Variants in GRID1 observed in about 807,000 individuals in gnomAD.
GRID1 encodes the protein glutamate receptor ionotropic, delta-1.
A neutral mutation model predicts 98.0 loss-of-function variants in GRID1; 28 were observed. The ratio of observed to expected loss-of-function variants is 0.29; its 90% CI spans 0.21 to 0.39. The LOEUF (loss-of-function observed/expected upper bound fraction) is 0.39. Ranked by LOEUF, GRID1 falls within the 10% of genes least tolerant of loss-of-function variation. GRID1 has a pLI of 1.00. For missense variants in GRID1, 1,111 were observed against 1,340.5 expected, an observed-to-expected ratio of 0.83 and a Z score of 2.67; for synonymous variants, 553 against 538.5, an observed-to-expected ratio of 1.03 and a Z score of -0.37.
intron 3 of GRID1, among the ~76,000 whole-genome samples, chr10:86,199,014 G>A (rs1048923787): frequency 1.3e-5 from 2 of 152,158 alleles, no homozygotes; most frequent in Admixed American, 1.3e-4. Context: ...GAGGCAGAGA[G>A]GAATGGCGAT....
chr10:86,190,576 T>C (rs1845787531), intron 3 of GRID1, among the ~76,000 whole-genome samples: 1 of 152,142 alleles, frequency 6.6e-6, no homozygotes, highest in African/African-American at 2.4e-5. Context: ...GACATGCCCA[T>C]CCCCATCCTG....
chr10:85,849,539 G>A (rs929840982), intron 8 of GRID1, among the ~76,000 whole-genome samples: 1 of 152,214 alleles, frequency 6.6e-6, no homozygotes, highest in African/African-American at 2.4e-5. Context: ...CCAACAGGAA[G>A]GGACTGTGAT....
intron 4 of GRID1, among the ~76,000 whole-genome samples, chr10:86,069,684 C>G (rs369993553): frequency 1.3e-5 from 2 of 152,148 alleles, no homozygotes; most frequent in East Asian, 3.9e-4. Flanking sequence ...CCTCCTTCCC[C>G]GACATCCTGA....
At chr10:85,929,254 GCAGATCC>G (rs1841816918) in intron 4 of GRID1, among the ~76,000 whole-genome samples, 1 of 152,196 alleles carries the variant, frequency 6.6e-6, no homozygotes, top group African/African-American at 2.4e-5. Context: ...GCTTAGCACA[GCAGATCC>G]CCTTGAATCT....
chr10:86,262,921 C>G (rs1280921505), intron 2 of GRID1, among the ~76,000 whole-genome samples: 2 of 152,138 alleles, frequency 1.3e-5, no homozygotes, highest in Admixed American at 6.5e-5. Context: ...CGTTCCCAGG[C>G]CGGCATCGCC....
intron 2 of GRID1, among the ~76,000 whole-genome samples, chr10:86,239,884 G>C (rs1027640575): frequency 6.6e-6 from 1 of 152,056 alleles, no homozygotes; most frequent in African/African-American, 2.4e-5. Flanking sequence ...TCAAATGCAG[G>C]GTCCTTATAG....
At chr10:85,861,928 A>G (rs1291979300) in intron 6 of GRID1, among the ~76,000 whole-genome samples, 1 of 152,180 alleles carries the variant, frequency 6.6e-6, no homozygotes, top group Non-Finnish European at 1.5e-5. Context: ...GATGGTAACC[A>G]CTGGTTAACC....
chr10:86,113,674 C>T (rs4528258), intron 4 of GRID1, among the ~76,000 whole-genome samples: 131,213 of 152,202 alleles, frequency 0.86, 56,889 homozygotes, highest in East Asian at 1. Context: ...CCCTGCAGAG[C>T]TTCAGGGCAT....
At chr10:85,970,065 T>A (rs956809740) in intron 4 of GRID1, among the ~76,000 whole-genome samples, 4 of 151,904 alleles carry the variant, frequency 2.6e-5, no homozygotes, top group Non-Finnish European at 5.9e-5. Context: ...ACAAACTAAA[T>A]AAGCGAACTA....
At chr10:86,154,103 T>C (rs1278700047) in intron 3 of GRID1, among the ~76,000 whole-genome samples, 1 of 152,050 alleles carries the variant, frequency 6.6e-6, no homozygotes, top group Non-Finnish European at 1.5e-5. Context: ...ACTAATAGTA[T>C]GATCAATGCC....
At chr10:86,246,673 G>A (rs1215105788) in intron 2 of GRID1, among the ~76,000 whole-genome samples, 1 of 150,180 alleles carries the variant, frequency 6.7e-6, no homozygotes, top group Non-Finnish European at 1.5e-5. Flanking sequence ...CCACCCCCAC[G>A]TACCTTGCAC....
intron 4 of GRID1, among the ~76,000 whole-genome samples, chr10:86,122,324 G>A (rs1485640399): frequency 1.3e-5 from 2 of 152,220 alleles, no homozygotes; most frequent in Non-Finnish European, 2.9e-5. Context: ...ACCACATGCT[G>A]AGCCAGGGAC....
chr10:85,958,299 C>G (rs1489573530), intron 4 of GRID1, among the ~76,000 whole-genome samples: 2 of 152,264 alleles, frequency 1.3e-5, no homozygotes, highest in Admixed American at 6.5e-5. Context: ...CCCTCACCCA[C>G]AGGTGCCCTG....
chr10:86,032,386 G>C lies in GRID1; in HGVS notation c.726+106433C>G, dbSNP rs980992644. ...GATGGCAGTTTTGTCGAGTGTAAGG[G>C]GGGGAAGTGTGGGGAAAGGAAAGAG... On this transcript the variant is annotated intron_variant, in intron 4 of 15. Coordinates refer to ENST00000327946, the MANE Select transcript of GRID1 (RefSeq NM_017551.3). 3.3e-5 allele frequency among the ~76,000 whole-genome samples: 5 copies of C among 152,212 alleles called. No homozygotes were observed. In the South Asian group the frequency reaches 1.0e-3, roughly 32 times the overall value.
At chr10:85,655,651 A>G (rs765125524) in intron 12 of GRID1, among the ~76,000 whole-genome samples, 1 of 152,146 alleles carries the variant, frequency 6.6e-6, no homozygotes, top group Non-Finnish European at 1.5e-5. Context: ...CTCCCTGTGC[A>G]CTTCCTCCTC....
At chr10:86,085,891 C>T (rs1844047526) in intron 4 of GRID1, among the ~76,000 whole-genome samples, 2 of 152,132 alleles carry the variant, frequency 1.3e-5, no homozygotes, top group South Asian at 2.1e-4. Flanking sequence ...GCCATCGGGA[C>T]CCATGGCCTG....
chr10:86,352,225 G>C (rs1848473432), intron 2 of GRID1, among the ~76,000 whole-genome samples: 1 of 152,218 alleles, frequency 6.6e-6, no homozygotes, highest in Non-Finnish European at 1.5e-5. Context: ...TGTGGTCCAA[G>C]GCTGGATTTG....
At chr10:86,009,829 A>T (rs1296595159) in intron 4 of GRID1, among the ~76,000 whole-genome samples, 7 of 152,180 alleles carry the variant, frequency 4.6e-5, no homozygotes, top group African/African-American at 1.7e-4. Flanking sequence ...AATGGAGAAA[A>T]AGGAGAACTA....
intron 2 of GRID1, among the ~76,000 whole-genome samples, chr10:86,331,975 C>T (rs1437746679): frequency 5.9e-5 from 9 of 152,136 alleles, no homozygotes; most frequent in Admixed American, 5.9e-4. Context: ...AGGAATGACA[C>T]AGAAAGCAGA....
Sources: gnomAD v4.1 joint callset for allele counts (sites outside exome capture counted in the v4.1 genomes callset) on GRCh38, gnomAD v4.1.1 for gene constraint, MANE v1.5 for transcripts, NCBI Gene and HGNC (gene_info 2026-07-23, HGNC 2026-07-21) for gene names.